Variants in CCNY observed in about 807,000 individuals in gnomAD.
The protein encoded by CCNY is cyclin Y, also known as cyclin-Y.
CCNY carries 19 observed loss-of-function variants against 42.8 expected under a neutral mutation model. The ratio of observed to expected loss-of-function variants is 0.44; its 90% confidence interval spans 0.31 to 0.65. The LOEUF is 0.65. Ranked by LOEUF, CCNY falls within the 30% of genes least tolerant of loss-of-function variation. CCNY has a pLI of 0.07. For synonymous variants in CCNY, 165 were observed against 162.7 expected (o/e 1.01, Z -0.11); for missense variants, 370 against 437.3 (o/e 0.85, Z 1.37).
Position 35,503,472 on chromosome 10 carries a change from T to C in CCNY, c.264+1937T>C, listed in dbSNP as rs140601633. ...GCCACGCTAGGAAAAGCCGTGGGAG[T>C]GTGCCAGTCCCACCAGCTGAAATAT... On this transcript the variant is annotated intron_variant, in intron 3 of 9. Transcript: ENST00000374704. Among the ~76,000 whole-genome samples the C allele has an allele frequency of 2.4e-4, 37 of 152,170 alleles. No homozygotes were observed. In the East Asian group the frequency reaches 6.8e-3, roughly 28 times the overall value.
intron 3 of CCNY, among the ~76,000 whole-genome samples, chr10:35,326,974 C>T (rs1439448791): frequency 6.6e-6 from 1 of 152,174 alleles, no homozygotes; most frequent in Admixed American, 6.6e-5. Context: ...GAAGTGTCTT[C>T]CTGCCTGGAT....
chr10:35,354,021 G>A (rs1261681843), intron 1 of CCNY, among the ~76,000 whole-genome samples: 5 of 152,038 alleles, frequency 3.3e-5, no homozygotes, highest in Non-Finnish European at 5.9e-5. Context: ...GCTCACTTAC[G>A]TGGCCAATGC....
chr10:35,313,836 C>T (rs1263982389), intron 3 of CCNY, among the ~76,000 whole-genome samples: 3 of 151,852 alleles, frequency 2.0e-5, no homozygotes, highest in Admixed American at 6.6e-5. Context: ...ACTAGCCTGG[C>T]GTGGTGGTGC....
intron 1 of CCNY, among the ~76,000 whole-genome samples, chr10:35,478,524 A>T (rs1027682745): frequency 3.3e-5 from 5 of 152,174 alleles, no homozygotes; most frequent in African/African-American, 1.2e-4. Flanking sequence ...ACCTGAGAAA[A>T]ACCAGCTATG....
chr10:35,302,194 C>T (rs1316610418), intron 3 of CCNY, among the ~76,000 whole-genome samples: 3 of 151,708 alleles, frequency 2.0e-5, no homozygotes, highest in Admixed American at 1.3e-4. Flanking sequence ...ATCTCCTGAC[C>T]TCATGACCCA....
At chr10:35,485,410 T>G (rs146612443) in intron 2 of CCNY, among the ~76,000 whole-genome samples, 1,974 of 152,324 alleles carry the variant, frequency 0.013, 20 homozygotes, top group Non-Finnish European at 0.021. Context: ...TATAAATAAT[T>G]AGAAAAAATC....
intron 1 of CCNY, among the ~76,000 whole-genome samples, chr10:35,394,018 A>G (rs1056772894): frequency 6.6e-6 from 1 of 152,266 alleles, no homozygotes; most frequent in African/African-American, 2.4e-5. Flanking sequence ...ACTGGACAGC[A>G]GGAGTGAGTT....
chr10:35,454,377 TTACCAA>T (rs1489262716), intron 1 of CCNY, among the ~76,000 whole-genome samples: 1 of 152,196 alleles, frequency 6.6e-6, no homozygotes, highest in Non-Finnish European at 1.5e-5. Flanking sequence ...CAGCGCAGGT[TTACCAA>T]AGGTTGTTCA....
intron 1 of CCNY, among the ~76,000 whole-genome samples, chr10:35,451,979 A>G (rs1193495603): frequency 1.3e-5 from 2 of 152,260 alleles, no homozygotes; most frequent in Non-Finnish European, 2.9e-5. Context: ...GTTATAGTGA[A>G]GTATTTAATA....
intron 1 of CCNY, among the ~76,000 whole-genome samples, chr10:35,465,262 G>A (rs542334558): frequency 6.6e-6 from 1 of 152,122 alleles, no homozygotes; most frequent in Admixed American, 6.5e-5. Context: ...TGATTTCACT[G>A]ACCGATGGCC....
rs550703024 is a variant in CCNY, at chr10:35,502,294, TA to T, written c.264+762del. Among the ~76,000 whole-genome samples the T allele has an allele frequency of 3.3e-3, 502 of 152,302 alleles. 3 individuals are homozygous for T. The highest frequency in any genetic ancestry group is 5.6e-3 in the Non-Finnish European group (380 of 68,026). On this transcript the variant is annotated intron_variant, in intron 3 of 9. Coordinates refer to ENST00000374704, the MANE Select transcript of CCNY (RefSeq NM_145012.6). ...GAGGGATGGAATGATGAAACAGGTG[TA>T]AATTATCAAAATAAGTATGCTCTAA...
chr10:35,475,314 G>A (rs1468121051), intron 1 of CCNY, among the ~76,000 whole-genome samples: 5 of 152,094 alleles, frequency 3.3e-5, no homozygotes, highest in Non-Finnish European at 5.9e-5. Context: ...CTCGAGAAGA[G>A]CAACTCCAAG....
intron 1 of CCNY, among the ~76,000 whole-genome samples, chr10:35,367,192 C>G (rs1269368318): frequency 1.3e-5 from 2 of 152,110 alleles, no homozygotes; most frequent in African/African-American, 4.8e-5. Context: ...ACACTTCTGT[C>G]TCATTGTTTT....
intron 3 of CCNY, among the ~76,000 whole-genome samples, chr10:35,266,791 T>C (rs2095725983): frequency 1.3e-5 from 2 of 152,102 alleles, no homozygotes; most frequent in Admixed American, 1.3e-4. Context: ...CCTTGAAAGA[T>C]GACCTACTGT....
rs867961088 is a variant in CCNY, at chr10:35,465,942, T to A, written c.155-17462T>A. 5.1e-3 allele frequency among the ~76,000 whole-genome samples: 486 copies of A among 95,638 alleles called. 1 individual carries two copies. The highest frequency in any genetic ancestry group is 6.1e-3 in the Middle Eastern group (1 of 164). The allele number at this position is 95,638 out of a possible 152,430, so 62.7% of individuals were successfully genotyped here. A position where few individuals can be genotyped will look rare whatever the true frequency, so the allele number is the denominator to read the frequency against. On this transcript the variant is annotated intron_variant, in intron 1 of 9. Coordinates refer to ENST00000374704, the MANE Select transcript of CCNY (RefSeq NM_145012.6). ...GAGAGAGAGAGAGAGAGAGAGAGTG[T>A]GTGTGTGTGTGTGTGTGTCTGTGTG...
chr10:35,307,786 GT>G, intron 3 of CCNY, among the ~76,000 whole-genome samples: 1 of 79,954 alleles, frequency 1.3e-5, no homozygotes, highest in Non-Finnish European at 2.3e-5. Flanking sequence ...GTGTGTGTGT[GT>G]GTGTGTGTGT....
At chr10:35,325,024 T>C (rs1835863541) in intron 3 of CCNY, among the ~76,000 whole-genome samples, 1 of 152,194 alleles carries the variant, frequency 6.6e-6, no homozygotes, top group Admixed American at 6.5e-5. Flanking sequence ...TATAAAAATA[T>C]AGAGAATTAG....
intron 3 of CCNY, among the ~76,000 whole-genome samples, chr10:35,267,597 T>C (rs1278568729): frequency 1.3e-5 from 2 of 152,266 alleles, no homozygotes; most frequent in Admixed American, 1.3e-4. Context: ...GAGGAGAGGT[T>C]CTGACAATGA....
At chr10:35,298,247 C>T (rs1447600811) in intron 3 of CCNY, among the ~76,000 whole-genome samples, 1 of 152,176 alleles carries the variant, frequency 6.6e-6, no homozygotes, top group East Asian at 1.9e-4. Context: ...AATATAATCT[C>T]ACCATATTCA....
Sources: gnomAD v4.1 joint callset for allele counts (sites outside exome capture counted in the v4.1 genomes callset) on GRCh38, gnomAD v4.1.1 for gene constraint, MANE v1.5 for transcripts, NCBI Gene and HGNC (gene_info 2026-07-23, HGNC 2026-07-21) for gene names.